PID1: variants seen among roughly 807,000 people sequenced by gnomAD.
PID1 encodes the protein PTB-containing, cubilin and LRP1-interacting protein.
PID1 carries 10 observed loss-of-function variants against 19.1 expected under a neutral mutation model. The observed-to-expected ratio is 0.52, with a 90% CI of 0.32 to 0.89. PID1 has a LOEUF of 0.89. PID1 is among the 40% of genes least tolerant of loss of function. The pLI, the probability that PID1 is intolerant of heterozygous loss-of-function variation, is 0.03. For synonymous variants in PID1, 130 were observed against 116.0 expected (o/e 1.12, Z -0.78); for missense variants, 248 against 285.3 (o/e 0.87, Z 0.94).
chr2:229,025,809 G>A lies in PID1; in HGVS notation c.477C>T (p.Ser159=). Residue 159 remains serine, a synonymous_variant, in exon 3 of 3, where the codon TCC becomes TCT. Transcript: ENST00000392055. ...CCACGGCGTGGCAGTCCATCTGGTA[G>A]GACAGGTCATCATTGATCTCCCTGT... ...WVYREINDDL[S]YQMDCHAVEC... The A allele has an allele frequency of 6.2e-7, 1 of 1,614,246 alleles. No individual in the cohort carries two copies. Among genetic ancestry groups the A allele is most frequent in the Non-Finnish European group, 8.5e-7 (1 of 1,180,044 alleles).
intron 1 of PID1, among the ~76,000 whole-genome samples, chr2:229,189,057 G>A (rs540201316): frequency 6.6e-6 from 1 of 152,290 alleles, no homozygotes; most frequent in African/African-American, 2.4e-5. Flanking sequence ...CTTAAATCAT[G>A]AGAAGAACTC....
intron 2 of PID1, among the ~76,000 whole-genome samples, chr2:229,046,457 C>T (rs1365576448): frequency 1.3e-5 from 2 of 151,326 alleles, no homozygotes; most frequent in East Asian, 3.9e-4. Flanking sequence ...TAAAACATGC[C>T]TCAAACAGCT....
intron 1 of PID1, among the ~76,000 whole-genome samples, chr2:229,231,044 C>T (rs1444046767): frequency 1.3e-5 from 2 of 152,142 alleles, no homozygotes; most frequent in Admixed American, 6.5e-5. Flanking sequence ...GAAGCAACCA[C>T]AGCCACATGA....
intron 1 of PID1, among the ~76,000 whole-genome samples, chr2:229,187,479 G>A (rs1257815027): frequency 6.6e-6 from 1 of 152,160 alleles, no homozygotes; most frequent in African/African-American, 2.4e-5. Flanking sequence ...CAGGCAAAGA[G>A]AGCTTGTGCA....
chr2:229,083,838 A>G (rs557437778), intron 2 of PID1, among the ~76,000 whole-genome samples: 15 of 152,350 alleles, frequency 9.8e-5, no homozygotes, highest in Non-Finnish European at 1.9e-4. Context: ...AAAACAGCCA[A>G]CGCCACAAGA....
chr2:229,238,696 G>A (rs1689786971), intron 1 of PID1, among the ~76,000 whole-genome samples: 1 of 152,080 alleles, frequency 6.6e-6, no homozygotes, highest in African/African-American at 2.4e-5. Context: ...AAAGAAACGA[G>A]TAAGTCTCTG....
chr2:229,162,276 CT>C (rs759298376), intron 1 of PID1, among the ~76,000 whole-genome samples: 22 of 152,302 alleles, frequency 1.4e-4, no homozygotes, highest in African/African-American at 4.8e-4. Context: ...CTTCCTACCC[CT>C]ATTCAGACAT....
intron 2 of PID1, among the ~76,000 whole-genome samples, chr2:229,113,689 G>A (rs1225074488): frequency 4.6e-5 from 7 of 150,842 alleles, no homozygotes; most frequent in East Asian, 2.0e-4. Context: ...ATAACCTGAG[G>A]GTAATAATGG....
intron 1 of PID1, among the ~76,000 whole-genome samples, chr2:229,189,195 A>G (rs150018912): frequency 6.6e-6 from 1 of 152,338 alleles, no homozygotes; most frequent in Non-Finnish European, 1.5e-5. Flanking sequence ...GTAGAGGCTG[A>G]AATCCACTGA....
At chr2:229,255,633 G>A (rs925462364) in intron 1 of PID1, among the ~76,000 whole-genome samples, 3 of 152,026 alleles carry the variant, frequency 2.0e-5, no homozygotes, top group African/African-American at 4.8e-5. Flanking sequence ...CCAATGTTTG[G>A]CAGTAAAATT....
intron 2 of PID1, among the ~76,000 whole-genome samples, chr2:229,033,333 C>T (rs2106167240): frequency 6.6e-6 from 1 of 152,326 alleles, no homozygotes; most frequent in South Asian, 2.1e-4. Context: ...TTGGGTTCCA[C>T]TTACTGCTGG....
At chr2:229,124,515 A>G (rs1294999643) in intron 2 of PID1, among the ~76,000 whole-genome samples, 1 of 152,220 alleles carries the variant, frequency 6.6e-6, no homozygotes, top group East Asian at 1.9e-4. Flanking sequence ...ATAAAATCAG[A>G]TAGTACCACC....
At chr2:229,262,977 C>T in intron 1 of PID1, 1 of 1,275,858 alleles carries the variant, frequency 7.8e-7, no homozygotes, top group South Asian at 2.0e-5. Flanking sequence ...CTGCACAAAC[C>T]TTATTTCCAA....
rs77852834 is a variant in PID1, at chr2:229,064,928, G to A, written c.178-38820C>T. The stretch of plus-strand genomic sequence containing the variant: ...TATGCTGGAGTCATGGAATGGTATG[G>A]CAATTCCTTCTAGCGAACAGATGGT... On this transcript the variant is annotated intron_variant, in intron 2 of 2. Transcript: ENST00000392055. Among the ~76,000 whole-genome samples, 804 of 152,246 alleles carry A rather than the reference G, an allele frequency of 5.3e-3. 9 individuals carry two copies. The highest frequency in any genetic ancestry group is 0.019 in the African/African-American group (786 of 41,550).
intron 2 of PID1, among the ~76,000 whole-genome samples, chr2:229,038,694 A>G (rs1559204737): frequency 6.6e-6 from 1 of 152,218 alleles, no homozygotes; most frequent in South Asian, 2.1e-4. Context: ...AATTGCTTAT[A>G]TATTTTTCTT....
At chr2:229,045,592 C>T (rs1355970651) in intron 2 of PID1, among the ~76,000 whole-genome samples, 1 of 152,220 alleles carries the variant, frequency 6.6e-6, no homozygotes, top group Non-Finnish European at 1.5e-5. Context: ...TTGGGAAGTG[C>T]TTTGCACAAA....
intron 2 of PID1, among the ~76,000 whole-genome samples, chr2:229,036,703 A>C (rs1693670751): frequency 6.6e-6 from 1 of 152,098 alleles, no homozygotes; most frequent in Non-Finnish European, 1.5e-5. Flanking sequence ...AGCTGAAATC[A>C]TGCCACTGCA....
At chr2:229,190,221 T>G (rs543770747) in intron 1 of PID1, among the ~76,000 whole-genome samples, 1 of 152,316 alleles carries the variant, frequency 6.6e-6, no homozygotes, top group South Asian at 2.1e-4. Flanking sequence ...ATGTGTCAAT[T>G]TAATAAAAAG....
chr2:229,156,723 T>C (rs1464527895), intron 1 of PID1, among the ~76,000 whole-genome samples: 2 of 152,108 alleles, frequency 1.3e-5, no homozygotes, highest in Non-Finnish European at 2.9e-5. Flanking sequence ...AATTGTGCCA[T>C]GCCACCTCTG....
Sources: gnomAD v4.1 joint callset for allele counts (sites outside exome capture counted in the v4.1 genomes callset) on GRCh38, gnomAD v4.1.1 for gene constraint, MANE v1.5 for transcripts, NCBI Gene and HGNC (gene_info 2026-07-23, HGNC 2026-07-21) for gene names.